The following PHF24 variants were observed in gnomAD, a reference collection of about 807,000 sequenced individuals.
PHF24 encodes Galpha inhibitory interacting protein.
A neutral mutation model predicts 42.6 loss-of-function variants in PHF24; 25 were observed. The ratio of observed to expected loss-of-function variants is 0.59; its 90% CI spans 0.43 to 0.82. PHF24 has a LOEUF of 0.82. PHF24 is among the 40% of genes least tolerant of loss of function. The pLI is 0.00. For synonymous variants in PHF24, 185 were observed against 204.8 expected, an observed-to-expected ratio of 0.90 and a Z score of 0.83; for missense variants, 470 against 538.1, an observed-to-expected ratio of 0.87 and a Z score of 1.25.
the PHF24 span, among the ~76,000 whole-genome samples, chr9:34,844,819 T>C: frequency 2.0e-5 from 3 of 152,206 alleles, no homozygotes; most frequent in African/African-American, 7.2e-5. Flanking sequence ...AAATGTTCTG[T>C]AAATGTCTGT....
the PHF24 span, among the ~76,000 whole-genome samples, chr9:34,673,507 G>C: frequency 1.3e-5 from 2 of 151,956 alleles, no homozygotes; most frequent in East Asian, 2.0e-4. Context: ...GCCTCGCTCT[G>C]TTGCCTAGTC....
the PHF24 span, among the ~76,000 whole-genome samples, chr9:34,865,102 C>G: frequency 6.8e-6 from 1 of 146,972 alleles, no homozygotes; most frequent in Admixed American, 6.8e-5. Context: ...TCACTTGAAC[C>G]CGGGAGGCAG....
the PHF24 span, among the ~76,000 whole-genome samples, chr9:34,847,306 G>A: frequency 1.3e-5 from 2 of 152,118 alleles, no homozygotes; most frequent in Non-Finnish European, 2.9e-5. Flanking sequence ...TCCTTGAAGA[G>A]GTCCTTCACA....
chr9:34,685,138 C>T, the PHF24 span, among the ~76,000 whole-genome samples: 757 of 152,240 alleles, frequency 5.0e-3, 7 homozygotes, highest in African/African-American at 0.017. Context: ...GCCGATCAGA[C>T]GCCTGGCCCC....
upstream of PHF24, among the ~76,000 whole-genome samples, chr9:34,954,457 A>T (rs1044540099): frequency 1.3e-5 from 2 of 152,172 alleles, no homozygotes; most frequent in African/African-American, 4.8e-5. Context: ...CATTCACAAC[A>T]AAGGGGGAAT....
chr9:34,970,273 A>T (rs1030468939), intron 1 of PHF24, among the ~76,000 whole-genome samples: 2 of 152,204 alleles, frequency 1.3e-5, no homozygotes, highest in Non-Finnish European at 2.9e-5. Context: ...CACAGAGAAG[A>T]GCAGGTCTGA....
chr9:34,746,456 A>G, the PHF24 span, among the ~76,000 whole-genome samples: 1 of 152,198 alleles, frequency 6.6e-6, no homozygotes, highest in Admixed American at 6.5e-5. Context: ...TCAGCAATAC[A>G]CTATGAGTGA....
the PHF24 span, among the ~76,000 whole-genome samples, chr9:34,758,672 C>T: frequency 1.5e-4 from 23 of 152,162 alleles, no homozygotes; most frequent in Admixed American, 4.6e-4. This position sits in a 1 kb window ranked among gnomAD's most constrained non-coding sequence, Gnocchi z 4.4. Flanking sequence ...GATGGCATCA[C>T]GCTGCAGCAG....
At chr9:34,949,766 G>A in the PHF24 span, among the ~76,000 whole-genome samples, 16 of 151,664 alleles carry the variant, frequency 1.1e-4, no homozygotes, top group Admixed American at 3.3e-4. Flanking sequence ...ACCAAACACC[G>A]CATGTTCTCA....
the PHF24 span, among the ~76,000 whole-genome samples, chr9:34,744,817 C>T: frequency 6.6e-6 from 1 of 151,830 alleles, no homozygotes; most frequent in African/African-American, 2.4e-5. Flanking sequence ...ATCTTTAATA[C>T]GGAAACATTC....
intron 1 of PHF24, among the ~76,000 whole-genome samples, chr9:34,965,481 C>T (rs1400316207): frequency 6.6e-6 from 1 of 152,244 alleles, no homozygotes; most frequent in Non-Finnish European, 1.5e-5. Context: ...AATAGCAGTG[C>T]TCCAAGAGCC....
chr9:34,722,982 G>A, the PHF24 span: 1 of 471,316 alleles, frequency 2.1e-6, no homozygotes, highest in East Asian at 3.3e-5. Context: ...TAGACAGGAA[G>A]GACTTTTTAG....
chr9:34,913,292 A>G, the PHF24 span, among the ~76,000 whole-genome samples: 1 of 152,178 alleles, frequency 6.6e-6, no homozygotes, highest in Non-Finnish European at 1.5e-5. Context: ...AATAGCTGAG[A>G]ATTACCCAAA....
At chr9:34,788,456 A>G in the PHF24 span, among the ~76,000 whole-genome samples, 1 of 152,196 alleles carries the variant, frequency 6.6e-6, no homozygotes, top group African/African-American at 2.4e-5. Context: ...ACTCTCCTAC[A>G]CAGGAAGGGA....
chr9:34,857,817 T>A, the PHF24 span, among the ~76,000 whole-genome samples: 1 of 152,258 alleles, frequency 6.6e-6, no homozygotes, highest in South Asian at 2.1e-4. Flanking sequence ...TTCTGCTTAG[T>A]CAGTTCTGCT....
At chr9:34,832,241 C>T in the PHF24 span, 1 of 457,452 alleles carries the variant, frequency 2.2e-6, no homozygotes, top group African/African-American at 2.0e-5. Flanking sequence ...TTTCATGGCT[C>T]TGTGTGTTCT....
the PHF24 span, chr9:34,725,135 C>T: frequency 9.1e-6 from 14 of 1,546,874 alleles, no homozygotes; most frequent in Non-Finnish European, 1.1e-5. Context: ...AGAAATTCTG[C>T]AGTCCCAGGA....
the PHF24 span, among the ~76,000 whole-genome samples, chr9:34,686,751 C>CTA: frequency 2.0e-5 from 3 of 152,162 alleles, no homozygotes; most frequent in African/African-American, 7.2e-5. Flanking sequence ...AGGTGTCTAT[C>CTA]TATAGGCAGG....
At chr9:34,921,907 A>G in the PHF24 span, among the ~76,000 whole-genome samples, 2 of 152,252 alleles carry the variant, frequency 1.3e-5, no homozygotes, top group African/African-American at 4.8e-5. Flanking sequence ...TAAAGCCACA[A>G]TGTACCAAAA....
Sources: allele counts gnomAD v4.1 joint callset (sites outside exome capture counted in the v4.1 genomes callset), GRCh38; gene constraint gnomAD v4.1.1; non-coding constraint Gnocchi (gnomAD v3.1); transcripts MANE v1.5; gene names NCBI Gene and HGNC (gene_info 2026-07-23, HGNC 2026-07-21).